PPL: variants seen among roughly 807,000 people sequenced by gnomAD.
PPL encodes 190 kDa paraneoplastic pemphigus antigen.
In PPL, 198 loss-of-function variants were observed where a neutral mutation model predicts 194.4. That is an observed-to-expected ratio of 1.02 (90% CI 0.91 to 1.15). PPL has a LOEUF of 1.15. PPL is among the 50% of genes most tolerant of loss of function. The pLI is 0.00. For synonymous variants in PPL, 1,220 were observed against 972.4 expected (o/e 1.25, Z -4.74); for missense variants, 2,885 against 2,294.8 (o/e 1.26, Z -5.25).
At chr16:4,909,511 C>A (rs2088776419) in intron 2 of PPL, among the ~76,000 whole-genome samples, 1 of 150,850 alleles carries the variant, frequency 6.6e-6, no homozygotes. Context: ...ACTGCAACCT[C>A]CGCCTCCCGG....
At chr16:4,889,229 TTTGTTG>T (rs1567992698) in intron 18 of PPL, among the ~76,000 whole-genome samples, 168 bp from the exon 19 acceptor site, 21 of 93,510 alleles carry the variant, frequency 2.2e-4, no homozygotes, top group African/African-American at 7.5e-4. Context: ...AGGCAGTTTT[TTTGTTG>T]TTGTTGTTTT....
rs879503523 is a variant in PPL, at chr16:4,937,143, C to G, written c.-98G>C. On this transcript the variant is annotated 5_prime_UTR_variant, in exon 1 of 22. Transcript: ENST00000345988. ...TGAGCGAGCGGCGGCGCGGGGAGCCCGGACTGCGGCGCGGCAGTGGCTCCG... is the reference window on the plus strand; with the variant it reads ...TGAGCGAGCGGCGGCGCGGGGAGCCGGGACTGCGGCGCGGCAGTGGCTCCG... 2.4e-6 allele frequency: 2 copies of G among 819,438 alleles called. No homozygotes were observed. The highest frequency in any genetic ancestry group is 3.0e-6 in the Non-Finnish European group (2 of 669,202). The allele number at this position is 819,438 out of a possible 1,614,324, so 50.8% of individuals were successfully genotyped here. A position where few individuals can be genotyped will look rare whatever the true frequency, so the allele number is the denominator to read the frequency against.
chr16:4,888,177 G>C lies in PPL; in HGVS notation c.2439C>G (p.Asp813Glu). 6.2e-7 allele frequency: 1 copy of C among 1,613,714 alleles called. No homozygotes were observed. The highest frequency in any genetic ancestry group is 8.5e-7 in the Non-Finnish European group (1 of 1,179,612). The change falls in exon 20 of 22, where the codon GAC (aspartate) becomes GAG (glutamate). Residue 813 changes from aspartate (D) to glutamate (E), a missense_variant. Asp to Glu is a conservative substitution (Grantham distance 45). Coordinates refer to ENST00000345988, the MANE Select transcript of PPL (RefSeq NM_002705.5). Reference protein sequence around the residue: ...LEAEKLRSLLDLENGRRSHVS... With the variant: ...LEAEKLRSLLELENGRRSHVS... ...CGTGGCTTCTCCTTCCATTCTCCAA[G>C]TCGAGAAGAGACCTTAGTTTTTCTG...
chr16:4,901,890 T>C (rs2088578930), intron 4 of PPL, among the ~76,000 whole-genome samples: 1 of 151,986 alleles, frequency 6.6e-6, no homozygotes, highest in South Asian at 2.1e-4. Flanking sequence ...CAGTGAGCCA[T>C]GATCATGCCA....
intron 1 of PPL, among the ~76,000 whole-genome samples, chr16:4,929,857 T>C (rs550712499): frequency 1.3e-5 from 2 of 152,070 alleles, no homozygotes; most frequent in Non-Finnish European, 2.9e-5. Context: ...AGCTAATTTT[T>C]TTTTTTTTTT....
chr16:4,914,096 A>G (rs1233608979), intron 1 of PPL, among the ~76,000 whole-genome samples: 2 of 152,162 alleles, frequency 1.3e-5, no homozygotes, highest in Admixed American at 6.5e-5. Context: ...AAAAGGAAGA[A>G]TTTGGTGTTC....
At chr16:4,896,444 C>T (rs943312692) in intron 9 of PPL, among the ~76,000 whole-genome samples, 1 of 152,046 alleles carries the variant, frequency 6.6e-6, no homozygotes, top group Non-Finnish European at 1.5e-5. Flanking sequence ...CGGATGAACC[C>T]GGAAAACATG....
At chr16:4,926,320 C>T (rs999386773) in intron 1 of PPL, among the ~76,000 whole-genome samples, 2 of 152,192 alleles carry the variant, frequency 1.3e-5, no homozygotes, top group African/African-American at 4.8e-5. Context: ...GACCCCACCC[C>T]ACCAACTCTT....
At chr16:4,920,813 G>C (rs1284463713) in intron 1 of PPL, among the ~76,000 whole-genome samples, 4 of 152,134 alleles carry the variant, frequency 2.6e-5, no homozygotes, top group Non-Finnish European at 5.9e-5. Flanking sequence ...CTGTTGCCCA[G>C]GCTGGTCTTA....
At chr16:4,910,776 C>T in intron 2 of PPL, 74 bp downstream of exon 2, 1 of 1,313,748 alleles carries the variant, frequency 7.6e-7, no homozygotes, top group Non-Finnish European at 1.1e-6. Context: ...ATCACCGATT[C>T]CAAACAGATC....
chr16:4,914,894 A>C (rs1219472883), intron 1 of PPL, among the ~76,000 whole-genome samples: 1 of 152,134 alleles, frequency 6.6e-6, no homozygotes, highest in Non-Finnish European at 1.5e-5. Context: ...GGCAGGCCAC[A>C]TGGAGAATGT....
At chr16:4,925,699 A>G (rs2089143086) in intron 1 of PPL, among the ~76,000 whole-genome samples, 1 of 152,206 alleles carries the variant, frequency 6.6e-6, no homozygotes, top group Non-Finnish European at 1.5e-5. Context: ...AGGCTCACAG[A>G]AGTTAAGAAA....
chr16:4,888,655 A>G, intron 19 of PPL: 1 of 373,490 alleles, frequency 2.7e-6, no homozygotes, highest in Non-Finnish European at 4.8e-6. Flanking sequence ...AGTCCTTTCC[A>G]GCGTACTAGT....
At chr16:4,900,679 C>A in intron 6 of PPL, 151 bp downstream of exon 6, 1 of 1,041,722 alleles carries the variant, frequency 9.6e-7, no homozygotes, top group Non-Finnish European at 1.4e-6. Context: ...CTCAAGTGAT[C>A]CTCCTGCCTC....
At chr16:4,905,638 G>A (rs1479512301) in intron 2 of PPL, among the ~76,000 whole-genome samples, 4 of 152,230 alleles carry the variant, frequency 2.6e-5, no homozygotes, top group Non-Finnish European at 4.4e-5. Context: ...GCAAAAGGAA[G>A]AAAAACGAGA....
chr16:4,903,507 G>C (rs2088618587), intron 3 of PPL, among the ~76,000 whole-genome samples: 1 of 152,090 alleles, frequency 6.6e-6, no homozygotes, highest in African/African-American at 2.4e-5. Flanking sequence ...ATCACCTAAG[G>C]TCTGGAGTTT....
intron 1 of PPL, among the ~76,000 whole-genome samples, chr16:4,932,494 C>G (rs532222566): frequency 6.6e-6 from 1 of 151,588 alleles, no homozygotes; most frequent in East Asian, 1.9e-4. Flanking sequence ...ACTGCAATCT[C>G]TGCCTCCCAG....
At chr16:4,914,933 C>T (rs2088889968) in intron 1 of PPL, among the ~76,000 whole-genome samples, 2 of 152,212 alleles carry the variant, frequency 1.3e-5, no homozygotes. Context: ...ACTCCCACCC[C>T]AGTCACTGAC....
intron 2 of PPL, among the ~76,000 whole-genome samples, chr16:4,909,657 C>T (rs766387531): frequency 8.6e-5 from 13 of 151,976 alleles, no homozygotes; most frequent in Admixed American, 2.0e-4. Context: ...AAACTCCCGA[C>T]CTCAAGTGAT....
Sources: gnomAD v4.1 joint callset for allele counts (sites outside exome capture counted in the v4.1 genomes callset) on GRCh38, gnomAD v4.1.1 for gene constraint, MANE v1.5 for transcripts, NCBI Gene and HGNC (gene_info 2026-07-23, HGNC 2026-07-21) for gene names.